The following ARHGAP25 variants were observed in gnomAD, a reference collection of about 807,000 sequenced individuals.
The protein encoded by ARHGAP25 is rho GTPase-activating protein 25.
Under a neutral mutation model 71.0 loss-of-function variants are expected in ARHGAP25, and 34 were observed. The observed-to-expected ratio is 0.48, with a 90% CI of 0.36 to 0.64. The LOEUF (loss-of-function observed/expected upper bound fraction) is 0.64, where lower values mean the gene tolerates loss of function less well. ARHGAP25 is among the 30% of genes least tolerant of loss of function. ARHGAP25 has a pLI of 0.00. For missense variants in ARHGAP25, 706 were observed against 805.1 expected (o/e 0.88, Z 1.49); for synonymous variants, 282 against 296.5 (o/e 0.95, Z 0.50).
chr2:68,819,863 T>G (rs1187548883), intron 9 of ARHGAP25: 5 of 204,644 alleles, frequency 2.4e-5, no homozygotes, highest in South Asian at 1.6e-4. Flanking sequence ...CTGCTGACTC[T>G]GAAATGTAGA....
chr2:68,793,816 C>T (rs934682977), intron 4 of ARHGAP25, among the ~76,000 whole-genome samples: 14 of 151,792 alleles, frequency 9.2e-5, no homozygotes, highest in Admixed American at 2.6e-4. Context: ...GAAGAAATGA[C>T]GTTGGTATTT....
At chr2:68,798,340 AGAT>A (rs1449230652) in intron 4 of ARHGAP25, among the ~76,000 whole-genome samples, 1 of 152,248 alleles carries the variant, frequency 6.6e-6, no homozygotes, top group Admixed American at 6.5e-5. Flanking sequence ...ATATTAAAAT[AGAT>A]GATATTTACT....
chr2:68,807,523 T>TGCTTG, intron 5 of ARHGAP25, 43 bp downstream of exon 5: 1 of 1,594,456 alleles, frequency 6.3e-7, no homozygotes, highest in South Asian at 1.1e-5. Flanking sequence ...CCCTCCCCTC[T>TGCTTG]GCTTGGCTTG....
At chr2:68,816,384 C>T (rs763518436) in intron 7 of ARHGAP25, 22 bp downstream of exon 7, 53 of 1,590,682 alleles carry the variant, frequency 3.3e-5, no homozygotes, top group Non-Finnish European at 4.3e-5. Context: ...CTGGTATCAA[C>T]TCTGCAGTTT....
At chr2:68,810,339 A>G (rs1274118661) in intron 5 of ARHGAP25, among the ~76,000 whole-genome samples, 2 of 152,230 alleles carry the variant, frequency 1.3e-5, no homozygotes, top group African/African-American at 4.8e-5. Context: ...ACTCAACACT[A>G]TGAAAACTTA....
At chr2:68,724,901 T>G (rs12470365) in intron 2 of ARHGAP25, among the ~76,000 whole-genome samples, 1 of 152,224 alleles carries the variant, frequency 6.6e-6, no homozygotes, top group Non-Finnish European at 1.5e-5. Flanking sequence ...AGGATATATA[T>G]GAAGTATTGG....
At chr2:68,776,794 C>G (rs755464711) in intron 2 of ARHGAP25, among the ~76,000 whole-genome samples, 1 of 152,124 alleles carries the variant, frequency 6.6e-6, no homozygotes, top group Non-Finnish European at 1.5e-5. Flanking sequence ...GGATGACAGA[C>G]TCTAGAACCT....
At chr2:68,792,688 T>C (rs1285462835) in intron 4 of ARHGAP25, among the ~76,000 whole-genome samples, 1 of 152,224 alleles carries the variant, frequency 6.6e-6, no homozygotes, top group Non-Finnish European at 1.5e-5. Flanking sequence ...GATGGACAGT[T>C]AGGTTGATTC....
intron 1 of ARHGAP25, among the ~76,000 whole-genome samples, chr2:68,757,083 C>T (rs1225953554): frequency 1.3e-5 from 2 of 151,804 alleles, no homozygotes; most frequent in African/African-American, 4.8e-5. Context: ...AAAGAATCAA[C>T]AAACTTGTAG....
At chr2:68,775,522 C>T in intron 2 of ARHGAP25, 102 bp downstream of exon 2, 3 of 1,538,418 alleles carry the variant, frequency 2.0e-6, no homozygotes, top group Non-Finnish European at 2.7e-6. Flanking sequence ...TCAATAGGAC[C>T]AGACACACCC....
At chr2:68,818,101 T>A (rs933597522) in intron 8 of ARHGAP25, 107 bp downstream of exon 8, 1 of 1,435,862 alleles carries the variant, frequency 7.0e-7, no homozygotes, top group African/African-American at 1.4e-5. Flanking sequence ...TTTAAGCTGG[T>A]TATCAATCTC....
rs1384234468 is a variant in ARHGAP25 at position 68,813,359 on chromosome 2, C to T, written c.747C>T (p.Pro249=). The change falls in exon 6 of 11, where the codon CCC becomes CCT. Residue 249 remains proline, a synonymous_variant. Transcript: ENST00000409202. The part of the protein sequence containing the change: ...YLRDLPEPVV[P]WSQYEGFLLC... The stretch of plus-strand genomic sequence containing the variant: ...GAGACCTCCCAGAGCCCGTGGTTCC[C>T]TGGAGCCAGTACGAAGGGTTCCTGC... 1 of 1,613,826 alleles carries T rather than the reference C, an allele frequency of 6.2e-7. No individual in the cohort carries two copies. Among genetic ancestry groups the T allele is most frequent in the South Asian group, 1.1e-5 (1 of 91,052 alleles).
At chr2:68,760,364 A>G (rs1676728385) in intron 1 of ARHGAP25, among the ~76,000 whole-genome samples, 1 of 152,036 alleles carries the variant, frequency 6.6e-6, no homozygotes, top group East Asian at 1.9e-4. Flanking sequence ...AGAGAAATAA[A>G]AAGCATCCAC....
chr2:68,805,710 G>A (rs939084748), intron 4 of ARHGAP25, among the ~76,000 whole-genome samples: 2 of 152,158 alleles, frequency 1.3e-5, no homozygotes, highest in Non-Finnish European at 2.9e-5. Flanking sequence ...AAAAGAACAT[G>A]AGGGTCAAGA....
chr2:68,800,377 C>G lies in ARHGAP25; in HGVS notation c.467-6896C>G, dbSNP rs956121303. 2.0e-5 allele frequency among the ~76,000 whole-genome samples: 3 copies of G among 152,068 alleles called. No homozygotes were observed. The East Asian group carries it at 5.8e-4, about 29-fold the overall frequency. ...AACCCAGTTTCCTGGAGTTTTCCAG[C>G]AAATCTAAGGAAGGGGTTGAGGGTT... On this transcript the variant is annotated intron_variant, in intron 4 of 10. Coordinates refer to ENST00000409202, the MANE Select transcript of ARHGAP25 (RefSeq NM_001007231.3).
chr2:68,791,167 C>A (rs903206643), intron 4 of ARHGAP25, among the ~76,000 whole-genome samples: 13 of 152,204 alleles, frequency 8.5e-5, no homozygotes, highest in Non-Finnish European at 1.8e-4. Context: ...AGTTCTGCCT[C>A]GCTTTGCTCC....
intron 1 of ARHGAP25, among the ~76,000 whole-genome samples, chr2:68,751,879 C>T (rs1370865675): frequency 1.3e-5 from 2 of 152,190 alleles, no homozygotes; most frequent in Non-Finnish European, 2.9e-5. Context: ...AGGCCTGCTT[C>T]CTGTTCATTG....
intron 1 of ARHGAP25, among the ~76,000 whole-genome samples, chr2:68,768,398 A>G (rs544115739): frequency 6.6e-6 from 1 of 152,214 alleles, no homozygotes; most frequent in Non-Finnish European, 1.5e-5. Flanking sequence ...TCGCAAATAC[A>G]AAATGCCTGC....
intron 1 of ARHGAP25, among the ~76,000 whole-genome samples, chr2:68,746,711 C>A (rs899993437): frequency 7.0e-6 from 1 of 143,848 alleles, no homozygotes; most frequent in East Asian, 2.0e-4. Context: ...CCACCCCCCT[C>A]CCCATCCCCA....
Sources: allele counts gnomAD v4.1 joint callset (sites outside exome capture counted in the v4.1 genomes callset), GRCh38; gene constraint gnomAD v4.1.1; transcripts MANE v1.5; gene names NCBI Gene and HGNC (gene_info 2026-07-23, HGNC 2026-07-21).